Variants in MAGI2 observed in about 807,000 individuals in gnomAD.
The protein encoded by MAGI2 is membrane-associated guanylate kinase, WW and PDZ domain-containing protein 2.
A neutral mutation model predicts 133.3 loss-of-function variants in MAGI2; 35 were observed. That is an observed-to-expected ratio of 0.26 (90% CI 0.20 to 0.35). MAGI2 has a LOEUF of 0.35. Ranked by LOEUF, MAGI2 falls within the 10% of genes least tolerant of loss-of-function variation. The pLI, the probability that MAGI2 is intolerant of heterozygous loss-of-function variation, is 1.00. For missense variants in MAGI2, 1,636 were observed against 1,863.4 expected, an observed-to-expected ratio of 0.88 and a Z score of 2.25; for synonymous variants, 729 against 710.6, an observed-to-expected ratio of 1.03 and a Z score of -0.41.
chr7:78,345,909 A>T lies in MAGI2; in HGVS notation c.1225+13T>A. ...TTTCCCTTTGAAACATCACATGCTG[A>T]CAGGTATCATACCTCGGAAACCTGG... On this transcript the variant is annotated intron_variant, in intron 8 of 21. Coordinates refer to ENST00000354212, the MANE Select transcript of MAGI2 (RefSeq NM_012301.4). 1 of 1,612,696 alleles carries T rather than the reference A, an allele frequency of 6.2e-7. No homozygotes were observed. The highest frequency in any genetic ancestry group is 8.5e-7 in the Non-Finnish European group (1 of 1,179,680).
chr7:79,143,647 C>T (rs912976616), intron 1 of MAGI2, among the ~76,000 whole-genome samples: 1 of 152,084 alleles, frequency 6.6e-6, no homozygotes, highest in African/African-American at 2.4e-5. Context: ...AAAGCAGGAA[C>T]CAGTGTATAA....
chr7:79,446,716 C>A (rs921383603), intron 1 of MAGI2, among the ~76,000 whole-genome samples: 1 of 152,044 alleles, frequency 6.6e-6, no homozygotes, highest in Non-Finnish European at 1.5e-5. Context: ...TTTGGGAGAC[C>A]GAAGCAGGTG....
intron 1 of MAGI2, among the ~76,000 whole-genome samples, chr7:79,226,959 C>T (rs1057416500): frequency 3.3e-5 from 5 of 151,892 alleles, no homozygotes; most frequent in African/African-American, 4.8e-5. Context: ...ATCTCTTAAC[C>T]AATATTGAAA....
chr7:78,440,700 C>A (rs1462521958), intron 6 of MAGI2, among the ~76,000 whole-genome samples: 2 of 152,150 alleles, frequency 1.3e-5, no homozygotes, highest in Admixed American at 6.5e-5. Context: ...ACCAGTAATC[C>A]CAACACTTTG....
At chr7:78,492,894 T>A (rs528443898) in intron 5 of MAGI2, among the ~76,000 whole-genome samples, 2 of 152,182 alleles carry the variant, frequency 1.3e-5, no homozygotes, top group Non-Finnish European at 2.9e-5. Context: ...CAACAGATAT[T>A]TTTTAGGAAC....
At chr7:78,406,237 C>T (rs1056873800) in intron 6 of MAGI2, among the ~76,000 whole-genome samples, 8 of 152,040 alleles carry the variant, frequency 5.3e-5, no homozygotes, top group South Asian at 4.1e-4. Context: ...ACCTGTCCTC[C>T]GTCTTTTCCA....
chr7:78,729,732 C>T (rs1323779159), intron 2 of MAGI2, among the ~76,000 whole-genome samples: 1 of 152,150 alleles, frequency 6.6e-6, no homozygotes, highest in African/African-American at 2.4e-5. Context: ...AGCCATAGGA[C>T]TCCTTTTATT....
chr7:79,397,385 TCC>T (rs1428011493), intron 1 of MAGI2, among the ~76,000 whole-genome samples: 1 of 151,900 alleles, frequency 6.6e-6, no homozygotes, highest in Non-Finnish European at 1.5e-5. Context: ...TGTTTGAATT[TCC>T]CCCGTTTAGT....
intron 2 of MAGI2, among the ~76,000 whole-genome samples, chr7:78,969,279 T>G (rs1340621678): frequency 6.6e-6 from 1 of 152,052 alleles, no homozygotes; most frequent in Non-Finnish European, 1.5e-5. Flanking sequence ...CCCTGGGCCT[T>G]ATGTAAATCA....
At chr7:78,793,469 C>G (rs774738911) in intron 2 of MAGI2, among the ~76,000 whole-genome samples, 2 of 152,056 alleles carry the variant, frequency 1.3e-5, no homozygotes, top group African/African-American at 4.8e-5. Context: ...AAAATGTTAG[C>G]GCAAAGTCTG....
At chr7:79,357,807 C>T (rs779232178) in intron 1 of MAGI2, among the ~76,000 whole-genome samples, 7 of 152,112 alleles carry the variant, frequency 4.6e-5, no homozygotes, top group Non-Finnish European at 7.4e-5. Flanking sequence ...GCCATCTAAC[C>T]TCTTTGAATT....
At chr7:78,919,803 A>G (rs1393387572) in intron 2 of MAGI2, among the ~76,000 whole-genome samples, 7 of 152,140 alleles carry the variant, frequency 4.6e-5, no homozygotes, top group Non-Finnish European at 8.8e-5. Flanking sequence ...ATTCTAAAAC[A>G]TAATATGCAT....
chr7:78,951,761 G>A (rs953484687), intron 2 of MAGI2, among the ~76,000 whole-genome samples: 1 of 152,052 alleles, frequency 6.6e-6, no homozygotes, highest in Non-Finnish European at 1.5e-5. Flanking sequence ...AATCAGGTAG[G>A]CTTAAAATTT....
chr7:78,156,277 T>C (rs1824376606), intron 16 of MAGI2, among the ~76,000 whole-genome samples: 1 of 152,040 alleles, frequency 6.6e-6, no homozygotes, highest in Admixed American at 6.5e-5. Context: ...AAAGACTGTG[T>C]TCCCAGAAGG....
At chr7:78,103,423 G>A (rs776415394) in intron 20 of MAGI2, among the ~76,000 whole-genome samples, 1 of 152,100 alleles carries the variant, frequency 6.6e-6, no homozygotes, top group East Asian at 1.9e-4. Flanking sequence ...TGATCCTTCC[G>A]ACACTTCCCT....
intron 2 of MAGI2, among the ~76,000 whole-genome samples, chr7:78,921,306 T>C (rs1003418227): frequency 6.6e-6 from 1 of 152,166 alleles, no homozygotes; most frequent in Admixed American, 6.6e-5. Flanking sequence ...CCTAAAGATA[T>C]GAGTAAAAAA....
Position 78,487,611 on chromosome 7 carries a change from C to G in MAGI2, c.1045+2150G>C, listed in dbSNP as rs557133340. Reference sequence around the variant, plus strand: ...TTGCCAACCTGCACTAGGATGTTAGCTGAAAACTCTGGTGGCCAAACACTC... The same window carrying G: ...TTGCCAACCTGCACTAGGATGTTAGGTGAAAACTCTGGTGGCCAAACACTC... On this transcript the variant is annotated intron_variant, in intron 6 of 21. Coordinates refer to ENST00000354212, the MANE Select transcript of MAGI2 (RefSeq NM_012301.4). 7.9e-5 allele frequency among the ~76,000 whole-genome samples: 12 copies of G among 152,104 alleles called. No individual in the cohort carries two copies. The South Asian group carries it at 1.9e-3, about 24-fold the overall frequency.
intron 1 of MAGI2, among the ~76,000 whole-genome samples, chr7:79,310,306 G>A (rs1215335872): frequency 6.6e-6 from 1 of 151,492 alleles, no homozygotes; most frequent in African/African-American, 2.4e-5. Context: ...AGCAATCCAT[G>A]GAGGGATGAA....
At chr7:78,856,915 T>C (rs1170303277) in intron 2 of MAGI2, among the ~76,000 whole-genome samples, 1 of 152,196 alleles carries the variant, frequency 6.6e-6, no homozygotes, top group African/African-American at 2.4e-5. Context: ...GTTTGTGTCC[T>C]CTTTTATTTT....
Sources: allele counts gnomAD v4.1 joint callset (sites outside exome capture counted in the v4.1 genomes callset), GRCh38; gene constraint gnomAD v4.1.1; transcripts MANE v1.5; gene names NCBI Gene and HGNC (gene_info 2026-07-23, HGNC 2026-07-21).